UBE2L3: variants seen among roughly 807,000 people sequenced by gnomAD.
The protein encoded by UBE2L3 is ubiquitin-conjugating enzyme E2 L3.
In UBE2L3, 1 loss-of-function variant was observed where a neutral mutation model predicts 17.8. The ratio of observed to expected loss-of-function variants is 0.06; its 90% CI spans 0.02 to 0.27. The LOEUF is 0.27. Ranked by LOEUF, UBE2L3 falls within the 10% of genes least tolerant of loss-of-function variation. The probability of loss-of-function intolerance (pLI) is 1.00; values close to 1 mark genes in which losing one functional copy is unlikely to be tolerated. For missense variants in UBE2L3, 40 were observed against 192.6 expected, an observed-to-expected ratio of 0.21 and a Z score of 4.69; for synonymous variants, 44 against 68.5, an observed-to-expected ratio of 0.64 and a Z score of 1.76.
intron 1 of UBE2L3, among the ~76,000 whole-genome samples, chr22:21,590,580 C>T (rs138543961): frequency 4.5e-4 from 69 of 152,310 alleles, no homozygotes; most frequent in Middle Eastern, 6.8e-3. Context: ...TTTGTTTTGT[C>T]CCATAAATGT....
At chr22:21,590,447 C>G (rs1928194099) in intron 1 of UBE2L3, among the ~76,000 whole-genome samples, 2 of 152,254 alleles carry the variant, frequency 1.3e-5, no homozygotes, top group Non-Finnish European at 2.9e-5. Context: ...ATCCACCCAC[C>G]TTGGCTTCCC....
At chr22:21,602,522 C>T (rs1928920758) in intron 2 of UBE2L3, among the ~76,000 whole-genome samples, 1 of 152,166 alleles carries the variant, frequency 6.6e-6, no homozygotes, top group African/African-American at 2.4e-5. Context: ...GAAGGGAAAA[C>T]ATGAAGTGGA....
chr22:21,574,618 T>C (rs1474416039), intron 1 of UBE2L3, among the ~76,000 whole-genome samples: 3 of 152,178 alleles, frequency 2.0e-5, no homozygotes, highest in East Asian at 1.9e-4. Flanking sequence ...TACTCTCTTA[T>C]TCTGTAGGTT....
chr22:21,578,496 G>C (rs1380266422), intron 1 of UBE2L3, among the ~76,000 whole-genome samples: 4 of 152,102 alleles, frequency 2.6e-5, no homozygotes, highest in African/African-American at 9.7e-5. Context: ...AGTCTGTTGT[G>C]GACAGACTTG....
At chr22:21,575,631 CTTTTTTT>C (rs533923826) in intron 1 of UBE2L3, among the ~76,000 whole-genome samples, 835 of 73,214 alleles carry the variant, frequency 0.011, 6 homozygotes, top group African/African-American at 0.021. Flanking sequence ...AGTTGAATAG[CTTTTTTT>C]TTTTTTTTTT....
intron 3 of UBE2L3, chr22:21,614,563 C>T: frequency 7.3e-7 from 1 of 1,367,530 alleles, no homozygotes; most frequent in African/African-American, 1.5e-5. Context: ...TTAGAAACTT[C>T]AGCGTTCCCA....
At chr22:21,589,904 A>G (rs1304637741) in intron 1 of UBE2L3, among the ~76,000 whole-genome samples, 4 of 152,134 alleles carry the variant, frequency 2.6e-5, no homozygotes, top group Non-Finnish European at 5.9e-5. Context: ...CCCTGCTGTC[A>G]TTAGCATCCT....
chr22:21,617,907 C>T (rs1216814241), intron 3 of UBE2L3, among the ~76,000 whole-genome samples: 1 of 152,172 alleles, frequency 6.6e-6, no homozygotes, highest in Admixed American at 6.5e-5. Context: ...TGAGGCCGGG[C>T]ATGGTGGCTC....
At chr22:21,610,777 A>C (rs1929434438) in intron 2 of UBE2L3, 80 bp from the exon 3 acceptor site, 1 of 1,387,526 alleles carries the variant, frequency 7.2e-7, no homozygotes, top group Admixed American at 2.9e-5. Context: ...GATTTTTCAG[A>C]TAAACAATTA....
At chr22:21,605,798 G>A (rs957494366) in intron 2 of UBE2L3, among the ~76,000 whole-genome samples, 1 of 151,740 alleles carries the variant, frequency 6.6e-6, no homozygotes, top group African/African-American at 2.4e-5. Context: ...GAGCCACTGC[G>A]CCCAGTCTGT....
intron 1 of UBE2L3, among the ~76,000 whole-genome samples, chr22:21,588,463 C>CTTTTTTTTTTTTTTTT (rs1255043408): frequency 4.8e-5 from 5 of 103,336 alleles, no homozygotes; most frequent in African/African-American, 7.9e-5. Flanking sequence ...TTTCTTCTTT[C>CTTTTTTTTTTTTTTTT]TTTTTTTTTT....
At chr22:21,600,485 C>G (rs939529522) in intron 2 of UBE2L3, among the ~76,000 whole-genome samples, 1 of 152,026 alleles carries the variant, frequency 6.6e-6, no homozygotes, top group African/African-American at 2.4e-5. Context: ...CACTTGAGGT[C>G]GGGAGTTCAA....
intron 1 of UBE2L3, among the ~76,000 whole-genome samples, chr22:21,562,048 T>C (rs1355300058): frequency 3.3e-5 from 5 of 152,210 alleles, no homozygotes; most frequent in African/African-American, 1.2e-4. Flanking sequence ...CTTCCATCCC[T>C]GGTTCCTCCC....
chr22:21,586,433 C>T (rs1927939247), intron 1 of UBE2L3, among the ~76,000 whole-genome samples: 1 of 151,906 alleles, frequency 6.6e-6, no homozygotes, highest in South Asian at 2.1e-4. Flanking sequence ...CCATGCCCAG[C>T]TAATTTTTGT....
intron 1 of UBE2L3, among the ~76,000 whole-genome samples, chr22:21,562,327 T>G (rs1926466324): frequency 6.6e-6 from 1 of 151,100 alleles, no homozygotes. Context: ...CCTGAGTAGC[T>G]GGTACTACAG....
chr22:21,569,152 C>T (rs149558585), intron 1 of UBE2L3, among the ~76,000 whole-genome samples: 2 of 151,750 alleles, frequency 1.3e-5, no homozygotes, highest in African/African-American at 4.8e-5. Context: ...CCCAGCACTC[C>T]TGGGAGGCCG....
chr22:21,594,415 C>G (rs572453438), intron 2 of UBE2L3, among the ~76,000 whole-genome samples: 2 of 151,774 alleles, frequency 1.3e-5, no homozygotes, highest in South Asian at 4.2e-4. Flanking sequence ...CATGCTTCCT[C>G]CTGTAGATGC....
At chr22:21,609,542 A>G (rs1929362797) in intron 2 of UBE2L3, among the ~76,000 whole-genome samples, 1 of 151,862 alleles carries the variant, frequency 6.6e-6, no homozygotes. Flanking sequence ...CCCAGTCTCT[A>G]TAAAAATACA....
intron 1 of UBE2L3, among the ~76,000 whole-genome samples, chr22:21,570,940 TTG>T (rs1164714561): frequency 6.6e-6 from 1 of 152,218 alleles, no homozygotes; most frequent in Non-Finnish European, 1.5e-5. Flanking sequence ...AAAGATTTCT[TTG>T]TAACAATGGA....
Sources: allele counts gnomAD v4.1 joint callset (sites outside exome capture counted in the v4.1 genomes callset), GRCh38; gene constraint gnomAD v4.1.1; transcripts MANE v1.5; gene names NCBI Gene and HGNC (gene_info 2026-07-23, HGNC 2026-07-21).